Variants in ITGAE observed in about 807,000 individuals in gnomAD.
ITGAE encodes the protein integrin subunit alpha E.
A neutral mutation model predicts 136.5 loss-of-function variants in ITGAE; 99 were observed. That is an observed-to-expected ratio of 0.73 (90% confidence interval 0.62 to 0.86). The LOEUF is 0.86. ITGAE is among the 40% of genes least tolerant of loss of function. The pLI is 0.00. For synonymous variants in ITGAE, 613 were observed against 591.8 expected (o/e 1.04, Z -0.52); for missense variants, 1,447 against 1,515.3 (o/e 0.95, Z 0.75).
intron 28 of ITGAE, among the ~76,000 whole-genome samples, chr17:3,721,013 C>G (rs1458800647): frequency 6.6e-6 from 1 of 152,178 alleles, no homozygotes; most frequent in Admixed American, 6.5e-5. Flanking sequence ...ACTATAGCCT[C>G]AACCTTCCAG....
chr17:3,725,744 G>A (rs1370988465), intron 26 of ITGAE: 1 of 1,583,472 alleles, frequency 6.3e-7, no homozygotes, highest in Admixed American at 1.8e-5. Context: ...TCATTGTGCT[G>A]GAATTTGAGT....
Position 3,748,189 on chromosome 17 carries a change from G to A in ITGAE, c.2025-137C>T, listed in dbSNP as rs941291644. On this transcript the variant is annotated intron_variant, in intron 16 of 30. Transcript: ENST00000263087. ...GGTGATCCCTGAGTCTCAGGGTACA[G>A]TGGGGAAAGAGACAAGTTTCTGCTT... is the stretch of plus-strand genomic sequence containing the variant. The A allele has an allele frequency of 2.2e-5, 18 of 825,846 alleles. No individual in the cohort carries two copies. In the African/African-American group the frequency reaches 3.1e-4, roughly 14 times the overall value. 51.2% of individuals were successfully genotyped at this position (825,846 alleles called of 1,614,324 possible).
At position 3,743,521 on chromosome 17, in the gene ITGAE, C is replaced by G. The variant is rs747918057; in HGVS notation, c.2416G>C (p.Asp806His). ...ATGGCAAAGGGCTCAGTGTAGCGGT[C>G]CAGGATGGGCTGGGGATGGTCCGTC... Reference protein sequence around the residue: ...GQTDHPQPILDRYTEPFAIFQ... With the variant: ...GQTDHPQPILHRYTEPFAIFQ... Residue 806 changes from aspartate (D) to histidine (H), a missense_variant, in exon 19 of 31, where the codon GAC becomes CAC. Asp to His is a moderately conservative substitution (Grantham distance 81). Transcript: ENST00000263087. 1 of 1,610,160 alleles carries G rather than the reference C, an allele frequency of 6.2e-7. No homozygotes were observed. The highest frequency in any genetic ancestry group is 8.5e-7 in the Non-Finnish European group (1 of 1,178,824).
At chr17:3,792,051 C>T (rs1448817219) in intron 1 of ITGAE, among the ~76,000 whole-genome samples, 2 of 152,192 alleles carry the variant, frequency 1.3e-5, no homozygotes, top group Admixed American at 6.6e-5. Context: ...CTCTGGATCT[C>T]TCATCCCTGC....
intron 26 of ITGAE, chr17:3,725,186 A>G (rs777749098): frequency 3.7e-6 from 6 of 1,614,204 alleles, no homozygotes; most frequent in Non-Finnish European, 5.1e-6. Context: ...GATCCCTCCT[A>G]TCAGAATGTT....
chr17:3,718,395 T>G (rs993883287), intron 29 of ITGAE: 5 of 152,246 alleles, frequency 3.3e-5, no homozygotes, highest in African/African-American at 9.6e-5. Flanking sequence ...GGCAACTTTG[T>G]GCTGGCCATG....
intron 28 of ITGAE, among the ~76,000 whole-genome samples, chr17:3,722,680 C>T (rs573674434): frequency 3.9e-5 from 6 of 151,944 alleles, no homozygotes; most frequent in South Asian, 2.1e-4. Context: ...GAGAGAAAGG[C>T]GAGTACTAGG....
intron 20 of ITGAE, among the ~76,000 whole-genome samples, chr17:3,737,803 C>T (rs2051492730): frequency 6.6e-6 from 1 of 152,150 alleles, no homozygotes; most frequent in Admixed American, 6.6e-5. Flanking sequence ...ACCACTGAGA[C>T]AGCTGGACAC....
intron 26 of ITGAE, chr17:3,726,420 G>A (rs2051215353): frequency 1.2e-5 from 10 of 846,820 alleles, no homozygotes; most frequent in South Asian, 1.9e-5. Context: ...ACAGGAGGGT[G>A]GAACTCCCAT....
At chr17:3,715,943 T>C (rs1343063603) in intron 30 of ITGAE, among the ~76,000 whole-genome samples, 1 of 151,612 alleles carries the variant, frequency 6.6e-6, no homozygotes, top group African/African-American at 2.4e-5. Context: ...GATCACAAGG[T>C]CAGGAGTTTG....
intron 26 of ITGAE, chr17:3,724,004 AC>A: frequency 6.3e-7 from 1 of 1,594,124 alleles, no homozygotes; most frequent in Non-Finnish European, 8.5e-7. Flanking sequence ...ACGGCAGGAG[AC>A]AGCGGCGGCC....
At chr17:3,725,718 A>G in intron 26 of ITGAE, 1 of 1,572,240 alleles carries the variant, frequency 6.4e-7, no homozygotes, top group South Asian at 1.2e-5. Context: ...TGATTTTTTT[A>G]AAGACGACCA....
At position 3,797,226 on chromosome 17, in the gene ITGAE, C is replaced by T. The variant is rs1397682751; in HGVS notation, c.34+3885G>A. Among the ~76,000 whole-genome samples the T allele has an allele frequency of 5.7e-4, 76 of 134,248 alleles. 1 individual carries two copies. The highest frequency in any genetic ancestry group is 5.0e-3 in the South Asian group (20 of 4,012). The allele number at this position is 134,248 out of a possible 152,430, so 88.1% of individuals were successfully genotyped here. A position where few individuals can be genotyped will look rare whatever the true frequency, so the allele number is the denominator to read the frequency against. ...TGTCGCCCAGGCTGGAGTGCAGTGG[C>T]GCAATCTCGGCTCACTGCAAGCTCC... is the stretch of plus-strand genomic sequence containing the variant. On this transcript the variant is annotated intron_variant, in intron 1 of 30. Transcript: ENST00000263087.
At chr17:3,781,565 C>T (rs965139614) in intron 1 of ITGAE, among the ~76,000 whole-genome samples, 5 of 152,084 alleles carry the variant, frequency 3.3e-5, no homozygotes, top group African/African-American at 1.2e-4. Flanking sequence ...CCACGTTGGC[C>T]AGGATGGTCT....
In ITGAE at chr17:3,769,200, C is replaced by G. The variant is rs183454810; in HGVS notation, c.156-5240G>C. Among the ~76,000 whole-genome samples, 10 of 152,268 alleles carry G rather than the reference C, an allele frequency of 6.6e-5. No homozygotes were observed. In the East Asian group the frequency reaches 1.5e-3, roughly 24 times the overall value. On this transcript the variant is annotated intron_variant, in intron 2 of 30. Transcript: ENST00000263087. Reference sequence around the variant, plus strand: ...TCTCTCTCCTCCTCAGTCCTCTGCCCGGACTGTTTCCTCTGCCTGCGATCC... The same window carrying G: ...TCTCTCTCCTCCTCAGTCCTCTGCCGGGACTGTTTCCTCTGCCTGCGATCC...
intron 18 of ITGAE, among the ~76,000 whole-genome samples, chr17:3,745,408 T>A (rs764648510): frequency 1.4e-4 from 21 of 152,124 alleles, no homozygotes; most frequent in Non-Finnish European, 2.5e-4. Flanking sequence ...GTGGCATGAT[T>A]TCGGCTCACT....
Position 3,720,497 on chromosome 17 carries a change from T to G in ITGAE, c.3238-95A>C, listed in dbSNP as rs949312094. The G allele has an allele frequency of 6.0e-6, 4 of 662,296 alleles. No individual in the cohort carries two copies. The African/African-American group carries it at 7.2e-5, about 12-fold the overall frequency. The allele number at this position is 662,296 out of a possible 1,614,324, so 41.0% of individuals were successfully genotyped here. On this transcript the variant is annotated intron_variant, in intron 28 of 30. Coordinates refer to ENST00000263087, the MANE Select transcript of ITGAE (RefSeq NM_002208.5). ...CCTTCACCACCTTTCCCTTTAAAGG[T>G]ATTCCTGGGCTTAGTTAATGGCCCT...
chr17:3,790,064 C>T (rs1321934666), intron 1 of ITGAE, among the ~76,000 whole-genome samples: 1 of 152,090 alleles, frequency 6.6e-6, no homozygotes, highest in African/African-American at 2.4e-5. Context: ...AGGAGTGGGC[C>T]TCTCAGGCAT....
intron 1 of ITGAE, among the ~76,000 whole-genome samples, chr17:3,782,400 T>C (rs2052688773): frequency 6.7e-6 from 1 of 148,808 alleles, no homozygotes; most frequent in Non-Finnish European, 1.5e-5. Context: ...GGAGTTTCGC[T>C]CTTGTCGCCC....
Sources: allele counts gnomAD v4.1 joint callset (sites outside exome capture counted in the v4.1 genomes callset), GRCh38; gene constraint gnomAD v4.1.1; transcripts MANE v1.5; gene names NCBI Gene and HGNC (gene_info 2026-07-23, HGNC 2026-07-21).